The following ARHGAP30 variants were observed in gnomAD, a reference collection of about 807,000 sequenced individuals.
The protein encoded by ARHGAP30 is Rho GTPase activating protein 30.
In ARHGAP30, 23 loss-of-function variants were observed where a neutral mutation model predicts 72.0. The observed-to-expected ratio is 0.32, with a 90% CI of 0.23 to 0.45. The LOEUF (loss-of-function observed/expected upper bound fraction) is 0.45. Ranked by LOEUF, ARHGAP30 falls within the 20% of genes least tolerant of loss-of-function variation. The pLI is 1.00. For missense variants in ARHGAP30, 1,319 were observed against 1,383.4 expected (o/e 0.95, Z 0.74); for synonymous variants, 576 against 528.2 (o/e 1.09, Z -1.24).
At position 161,052,530 on chromosome 1, in the gene ARHGAP30, A is replaced by G; in HGVS notation, c.850T>C (p.Leu284=). 1 of 1,613,982 alleles carries G rather than the reference A, an allele frequency of 6.2e-7. No individual in the cohort carries two copies. The highest frequency in any genetic ancestry group is 2.2e-5 in the East Asian group (1 of 44,866). The change falls in exon 8 of 12, where the codon TTG becomes CTG. Residue 284 remains leucine (L), a synonymous_variant. Transcript: ENST00000368013. ...ATAGACCTCCACTTCCTGACCTTCAAAGACCCCTTCCTCCTACAAAGAATG... is the reference window on the plus strand; with the variant it reads ...ATAGACCTCCACTTCCTGACCTTCAGAGACCCCTTCCTCCTACAAAGAATG... ...EIAEHKRKGS[L]KVRKWRSIFN...
At chr1:161,067,373 C>T (rs1652845782) in intron 1 of ARHGAP30, among the ~76,000 whole-genome samples, 1 of 152,040 alleles carries the variant, frequency 6.6e-6, no homozygotes, top group Non-Finnish European at 1.5e-5. Flanking sequence ...TGTTCGAGAC[C>T]AGCCTGGCCA....
rs370374031 is a variant in ARHGAP30, at chr1:161,051,418, G to C, written c.1316C>G (p.Ser439Cys). 9.9e-6 allele frequency: 16 copies of C among 1,614,090 alleles called. No homozygotes were observed. The highest frequency in any genetic ancestry group is 1.4e-5 in the Non-Finnish European group (16 of 1,180,048). Residue 439 changes from serine (S) to cysteine (C), a missense_variant, in exon 10 of 12, where the codon TCC (serine) becomes TGC (cysteine). This residue lies in a region of ARHGAP30 where 1,097 missense variants were observed against 1,045.2 expected (regional missense o/e 1.05). Transcript: ENST00000368013. ...SVPPNIISNV[S>C]LARLTRGLEC... ...AAGGCCACGGGTGAGCCTGGCCAAG[G>C]AAACGTTAGAGATGATGTTCGGGGG...
rs564360965 is a variant in ARHGAP30 at position 161,058,918 on chromosome 1, C to T, written c.200+696G>A. Among the ~76,000 whole-genome samples, 64 of 150,944 alleles carry T rather than the reference C, an allele frequency of 4.2e-4. No homozygotes were observed. In the East Asian group the frequency reaches 0.011, roughly 25 times the overall value. ...TTAGATAGTGATGATTATTGTACTTCATCACTATCTAAAGTAAATATACCA... is the reference window on the plus strand; with the variant it reads ...TTAGATAGTGATGATTATTGTACTTTATCACTATCTAAAGTAAATATACCA... On this transcript the variant is annotated intron_variant, in intron 2 of 11. Coordinates refer to ENST00000368013, the MANE Select transcript of ARHGAP30 (RefSeq NM_001025598.2).
intron 10 of ARHGAP30, among the ~76,000 whole-genome samples, chr1:161,050,338 T>TCCCAGG (rs955448685): frequency 5.6e-5 from 8 of 143,320 alleles, no homozygotes; most frequent in African/African-American, 2.0e-4. Context: ...TTGCTATGTC[T>TCCCAGG]CCCAGGCTGG....
chr1:161,065,690 C>T (rs1242953060), intron 1 of ARHGAP30, among the ~76,000 whole-genome samples: 3 of 151,540 alleles, frequency 2.0e-5, no homozygotes, highest in Non-Finnish European at 2.9e-5. Flanking sequence ...CCTCAGCCTC[C>T]CAAGTAGCTA....
At position 161,049,657 on chromosome 1, in the gene ARHGAP30, G is replaced by C; in HGVS notation, c.1453C>G (p.Pro485Ala). The C allele has an allele frequency of 6.2e-7, 1 of 1,613,920 alleles. No individual in the cohort carries two copies. The highest frequency in any genetic ancestry group is 8.5e-7 in the Non-Finnish European group (1 of 1,179,906). Residue 485 changes from proline (P) to alanine (A), a missense_variant, in exon 11 of 12, where the codon CCC (proline) becomes GCC (alanine). By Grantham distance (27) the Pro-to-Ala change is conservative (BLOSUM62 -1). Around this residue, in one of 2 missense-constraint regions of ARHGAP30, gnomAD observed 1,097 missense variants for 1,045.2 expected, o/e 1.05. Coordinates refer to ENST00000368013, the MANE Select transcript of ARHGAP30 (RefSeq NM_001025598.2). ...TCGTCTGGGCCTGAGTCTGCCAGGG[G>C]ACTTGAGGCTGGACTTGCTTCCAAC... ...EKLEASPASS[P>A]LADSGPDDLA...
intron 9 of ARHGAP30, 26 bp from the exon 10 acceptor site, chr1:161,051,741 A>G: frequency 6.4e-7 from 1 of 1,571,436 alleles, no homozygotes; most frequent in South Asian, 1.2e-5. Context: ...AGGGCCAGGT[A>G]GGCAATAGCC....
Position 161,053,357 on chromosome 1 carries a change from T to C in ARHGAP30, c.565A>G (p.Asn189Asp). The C allele has an allele frequency of 3.7e-6, 6 of 1,614,006 alleles. No individual in the cohort carries two copies. In the Admixed American group the frequency reaches 6.7e-5, roughly 18 times the overall value. ...RSKDIEASGF[N>D]GTAAFMEVRV... ...ACCTCCATGAAGGCCGCTGTCCCAT[T>C]GAAGCCTGAGGCCTCTATGTCCTTA... Residue 189 changes from asparagine to aspartate, a missense_variant, in exon 6 of 12, where the codon AAT becomes GAT. Around this residue, in one of 2 missense-constraint regions of ARHGAP30, gnomAD observed 222 missense variants for 338.2 expected, o/e 0.66. Coordinates refer to ENST00000368013, the MANE Select transcript of ARHGAP30 (RefSeq NM_001025598.2).
chr1:161,056,058 T>C (rs1346646697), intron 3 of ARHGAP30, among the ~76,000 whole-genome samples: 2 of 152,132 alleles, frequency 1.3e-5, no homozygotes, highest in African/African-American at 4.8e-5. Context: ...AGGGAAGCTC[T>C]GGTCTACATG....
At position 161,049,431 on chromosome 1, in the gene ARHGAP30, C is replaced by G; in HGVS notation, c.1679G>C (p.Gly560Ala). ...CAGCACGGCTCTCCTTACCTGAGGC[C>G]CAACTCCCAGGAGCTCCTCCAGGTA... is the stretch of plus-strand genomic sequence containing the variant. Reference protein sequence around the residue: ...MGYLEELLGVGPQVEEFSVEP... With the variant: ...MGYLEELLGVAPQVEEFSVEP... The change falls in exon 11 of 12, where the codon GGG becomes GCG. Residue 560 changes from glycine (G) to alanine (A), a missense_variant. By Grantham distance (60) the Gly-to-Ala change is moderately conservative. Transcript: ENST00000368013. The G allele has an allele frequency of 6.2e-7, 1 of 1,609,378 alleles. No homozygotes were observed. The highest frequency in any genetic ancestry group is 8.5e-7 in the Non-Finnish European group (1 of 1,177,220).
chr1:161,052,306 G>C lies in ARHGAP30; in HGVS notation c.998C>G (p.Ala333Gly). ...CTCACCATCACTGGCCCCAGCTGCA[G>C]CACTCAGTGAGTCCATGCTTTTGGC... ...RPAKSMDSLS[A>G]AAGASDEPEG... Residue 333 changes from alanine (A) to glycine (G), a missense_variant, in exon 9 of 12, where the codon GCT becomes GGT. Physicochemically the swap from Ala to Gly is moderately conservative, Grantham distance 60 (BLOSUM62 0). Transcript: ENST00000368013. The C allele has an allele frequency of 1.2e-6, 2 of 1,613,948 alleles. No individual in the cohort carries two copies. The highest frequency in any genetic ancestry group is 2.2e-5 in the South Asian group (2 of 91,086).
rs757121617 is a variant in ARHGAP30 at position 161,048,881 on chromosome 1, C to T, written c.2140G>A (p.Glu714Lys). ...CCTTTGGACTTCTCTTCCTTGGCCT[C>T]TGTCTCTTCCCTACTCCCTTCTCTC... ...RLREGSREET[E>K]AKEEKSKGQK... The change falls in exon 12 of 12, where the codon GAG (glutamate) becomes AAG (lysine). Residue 714 changes from glutamate (E) to lysine (K), a missense_variant. By Grantham distance (56) the Glu-to-Lys change is moderately conservative (BLOSUM62 1). Transcript: ENST00000368013. 1 of 1,614,160 alleles carries T rather than the reference C, an allele frequency of 6.2e-7. No individual in the cohort carries two copies. Among genetic ancestry groups the T allele is most frequent in the East Asian group, 2.2e-5 (1 of 44,878 alleles).
chr1:161,047,602 G>T lies in ARHGAP30; in HGVS notation c.*113C>A. The T allele has an allele frequency of 8.3e-7, 1 of 1,202,286 alleles. No homozygotes were observed. The highest frequency in any genetic ancestry group is 1.1e-6 in the Non-Finnish European group (1 of 890,696). The allele number at this position is 1,202,286 out of a possible 1,614,324, so 74.5% of individuals were successfully genotyped here. A position where few individuals can be genotyped will look rare whatever the true frequency, so the allele number is the denominator to read the frequency against. Reference sequence around the variant, plus strand: ...CAAAGAGAGAAGCTGGAGGGCCAAAGCCTATAGAGTTGGGCACTACAGCTG... The same window carrying T: ...CAAAGAGAGAAGCTGGAGGGCCAAATCCTATAGAGTTGGGCACTACAGCTG... On this transcript the variant is annotated 3_prime_UTR_variant, in exon 12 of 12. Coordinates refer to ENST00000368013, the MANE Select transcript of ARHGAP30 (RefSeq NM_001025598.2).
In ARHGAP30 at chr1:161,069,687, C is replaced by G; in HGVS notation, c.-63G>C. On this transcript the variant is annotated 5_prime_UTR_variant, in exon 1 of 12. Transcript: ENST00000368013. The surrounding 1 kb of genome is among the most constrained non-coding windows in gnomAD (Gnocchi z 4.9). ...CCCCCAAGACCTGTGCCCTACCAGT[C>G]CCCCATGGGATCCCAGCCAGCTGCT... The G allele has an allele frequency of 6.5e-7, 1 of 1,542,638 alleles. No homozygotes were observed. The highest frequency in any genetic ancestry group is 8.9e-7 in the Non-Finnish European group (1 of 1,128,286).
Position 161,059,687 on chromosome 1 carries a change from A to T in ARHGAP30, c.127T>A (p.Phe43Ile). The T allele has an allele frequency of 6.2e-7, 1 of 1,613,570 alleles. No individual in the cohort carries two copies. Among genetic ancestry groups the T allele is most frequent in the Non-Finnish European group, 8.5e-7 (1 of 1,179,726 alleles). ...TCCACCACTCCATACTCCTCCACAA[A>T]TTCTGCACAGCTCTTTAGCACCTGG... ...VPQVLKSCAE[F>I]VEEYGVVDGI... The change falls in exon 2 of 12, where the codon TTT becomes ATT. Residue 43 changes from phenylalanine to isoleucine, a missense_variant. Physicochemically the swap from Phe to Ile is conservative, Grantham distance 21. Coordinates refer to ENST00000368013, the MANE Select transcript of ARHGAP30 (RefSeq NM_001025598.2).
At chr1:161,052,020 A>ACATAC (rs1651425759) in intron 9 of ARHGAP30, among the ~76,000 whole-genome samples, 1 of 66,982 alleles carries the variant, frequency 1.5e-5, no homozygotes, top group Non-Finnish European at 2.8e-5. Context: ...CACCACCACC[A>ACATAC]CCACCACCAC....
At position 161,051,449 on chromosome 1, in the gene ARHGAP30, T is replaced by G; in HGVS notation, c.1285A>C (p.Ser429Arg). 1.2e-6 allele frequency: 2 copies of G among 1,614,210 alleles called. No homozygotes were observed. The highest frequency in any genetic ancestry group is 2.2e-5 in the South Asian group (2 of 91,092). ...NLPLHITSILSVPPNIISNVS... is the reference protein window; with the variant it reads ...NLPLHITSILRVPPNIISNVS... ...TTAGAGATGATGTTCGGGGGCACAC[T>G]GAGGATAGAGGTGATGTGTAGCGGG... The change falls in exon 10 of 12, where the codon AGT becomes CGT. Residue 429 changes from serine (S) to arginine (R), a missense_variant. Ser to Arg is a moderately radical substitution (Grantham distance 110). Transcript: ENST00000368013.
At chr1:161,055,716 G>A (rs932296601) in intron 3 of ARHGAP30, among the ~76,000 whole-genome samples, 64 of 150,816 alleles carry the variant, frequency 4.2e-4, no homozygotes, top group African/African-American at 1.4e-3. Flanking sequence ...CCTGGGAGGC[G>A]GAGGTTGCAG....
At chr1:161,057,180 A>G (rs1011014472) in intron 2 of ARHGAP30, among the ~76,000 whole-genome samples, 4 of 150,518 alleles carry the variant, frequency 2.7e-5, no homozygotes, top group Non-Finnish European at 5.9e-5. Context: ...TTTGAGACAG[A>G]GTCTCACTCT....
Sources: gnomAD v4.1 joint callset for allele counts (sites outside exome capture counted in the v4.1 genomes callset) on GRCh38, gnomAD v4.1.1 for gene constraint, gnomAD v4.1.1 regional missense constraint, Gnocchi (gnomAD v3.1) non-coding constraint, MANE v1.5 for transcripts, NCBI Gene and HGNC (gene_info 2026-07-23, HGNC 2026-07-21) for gene names.